Variants in PDLIM5 observed in about 807,000 individuals in gnomAD.
The protein encoded by PDLIM5 is PDZ and LIM domain protein 5.
Under a neutral mutation model 64.2 loss-of-function variants are expected in PDLIM5, and 34 were observed. The ratio of observed to expected loss-of-function variants is 0.53; its 90% CI spans 0.40 to 0.71. The LOEUF (loss-of-function observed/expected upper bound fraction) is 0.71. PDLIM5 is among the 30% of genes least tolerant of loss of function. The pLI, the probability that PDLIM5 is intolerant of heterozygous loss-of-function variation, is 0.00. For missense variants in PDLIM5, 683 were observed against 733.6 expected (o/e 0.93, Z 0.80); for synonymous variants, 253 against 269.1 (o/e 0.94, Z 0.59).
intron 2 of PDLIM5, among the ~76,000 whole-genome samples, chr4:94,516,743 GCTGGTCTCAAACTC>G (rs1729394928): frequency 6.6e-6 from 1 of 151,936 alleles, no homozygotes; most frequent in South Asian, 2.1e-4. Context: ...TGCTGCCCAG[GCTGGTCTCAAACTC>G]CTGGGCTCAA....
intron 3 of PDLIM5, among the ~76,000 whole-genome samples, chr4:94,564,554 C>G (rs1310501319): frequency 1.3e-5 from 2 of 151,386 alleles, no homozygotes; most frequent in African/African-American, 4.9e-5. Flanking sequence ...CTGTGTCTTG[C>G]TTTATTATGC....
At position 94,618,069 on chromosome 4, in the gene PDLIM5, G is replaced by C. The variant is rs1405908398; in HGVS notation, c.986G>C (p.Ser329Thr). 4 of 1,611,670 alleles carry C rather than the reference G, an allele frequency of 2.5e-6. No individual in the cohort carries two copies. Among genetic ancestry groups the C allele is most frequent in the Non-Finnish European group, 3.4e-6 (4 of 1,178,934 alleles). ...SVASTRSMPESLDSPTSGRPG... is the reference protein window; with the variant it reads ...SVASTRSMPETLDSPTSGRPG... ...GCTTCCACACGGAGCATGCCCGAGAGCCTGGACAGCCCAACCTCTGGCAGA... is the reference window on the plus strand; with the variant it reads ...GCTTCCACACGGAGCATGCCCGAGACCCTGGACAGCCCAACCTCTGGCAGA... The change falls in exon 8 of 13, where the codon AGC becomes ACC. Residue 329 changes from serine to threonine, a missense_variant. Physicochemically the swap from Ser to Thr is moderately conservative, Grantham distance 58. Transcript: ENST00000317968.
intron 3 of PDLIM5, among the ~76,000 whole-genome samples, chr4:94,536,489 A>G (rs550372421): frequency 2.6e-5 from 4 of 152,366 alleles, no homozygotes; most frequent in Admixed American, 6.5e-5. Flanking sequence ...ATTAAGTGGT[A>G]ACAGAGTCAT....
At position 94,664,655 on chromosome 4, in the gene PDLIM5, A is replaced by C. The variant is rs1742981901; in HGVS notation, c.*588A>C. Reference sequence around the variant, plus strand: ...GAGGCCAAGGTGGGTGGACCACATGAGGTCAGGAGTTTGAGATCAGCCTGG... The same window carrying C: ...GAGGCCAAGGTGGGTGGACCACATGCGGTCAGGAGTTTGAGATCAGCCTGG... On this transcript the variant is annotated 3_prime_UTR_variant, in exon 13 of 13. Coordinates refer to ENST00000317968, the MANE Select transcript of PDLIM5 (RefSeq NM_006457.5). 8.9e-6 allele frequency: 2 copies of C among 225,518 alleles called. No homozygotes were observed. The highest frequency in any genetic ancestry group is 1.5e-5 in the Non-Finnish European group (2 of 135,428). The allele number at this position is 225,518 out of a possible 1,614,324, so 14.0% of individuals were successfully genotyped here. A position where few individuals can be genotyped will look rare whatever the true frequency, so the allele number is the denominator to read the frequency against.
intron 2 of PDLIM5, among the ~76,000 whole-genome samples, chr4:94,474,931 A>G (rs1725194320): frequency 6.6e-6 from 1 of 152,212 alleles, no homozygotes; most frequent in African/African-American, 2.4e-5. Flanking sequence ...GGATTACAGA[A>G]ATGAGCCACT....
At chr4:94,586,282 A>G (rs572827332) in intron 6 of PDLIM5, 126 bp from the exon 7 acceptor site, 21 of 609,006 alleles carry the variant, frequency 3.4e-5, no homozygotes, top group Middle Eastern at 9.2e-4. Context: ...ACAGGCTACT[A>G]TGGAATTCGT....
chr4:94,544,204 T>G (rs1449896143), intron 3 of PDLIM5, among the ~76,000 whole-genome samples: 1 of 152,146 alleles, frequency 6.6e-6, no homozygotes, highest in Non-Finnish European at 1.5e-5. Context: ...ATAAGGACAT[T>G]CGTCATTGGA....
intron 2 of PDLIM5, among the ~76,000 whole-genome samples, chr4:94,485,154 T>G (rs983666954): frequency 6.6e-6 from 1 of 152,138 alleles, no homozygotes; most frequent in Non-Finnish European, 1.5e-5. Context: ...CAAATACATG[T>G]GTAATGGATA....
rs190837586 is a variant in PDLIM5, at chr4:94,608,237, C to T, written c.921-9767C>T. The stretch of plus-strand genomic sequence containing the variant: ...AAAGCTGGTAGTGAATTTAAATATA[C>T]TAAACTGTTTGAAAAAGAAAAAATG... On this transcript the variant is annotated intron_variant, in intron 7 of 12. Coordinates refer to ENST00000317968, the MANE Select transcript of PDLIM5 (RefSeq NM_006457.5). The T allele has an allele frequency of 4.2e-6, 5 of 1,200,590 alleles. No homozygotes were observed. In the South Asian group the frequency reaches 4.5e-5, roughly 11 times the overall value. The allele number at this position is 1,200,590 out of a possible 1,614,324, so 74.4% of individuals were successfully genotyped here.
At chr4:94,496,785 G>A (rs915341593) in intron 2 of PDLIM5, among the ~76,000 whole-genome samples, 6 of 152,098 alleles carry the variant, frequency 3.9e-5, no homozygotes, top group Middle Eastern at 3.2e-3. Context: ...GAGCCACCCC[G>A]CCCAGCCCAG....
chr4:94,530,510 AATATATATATATATATAT>A (rs36209951), intron 3 of PDLIM5, among the ~76,000 whole-genome samples: 30,633 of 140,420 alleles, frequency 0.22, 3,571 homozygotes, highest in African/African-American at 0.26. Context: ...GGAATCACAG[AATATATATATATATATAT>A]ATATATATAT....
chr4:94,576,775 T>C (rs1735300588), intron 5 of PDLIM5, among the ~76,000 whole-genome samples: 1 of 152,236 alleles, frequency 6.6e-6, no homozygotes, highest in Admixed American at 6.5e-5. Flanking sequence ...TTTGGGGGTA[T>C]CTTTTTATTA....
chr4:94,584,318 C>A (rs951022085), intron 5 of PDLIM5: 2 of 152,174 alleles, frequency 1.3e-5, no homozygotes, highest in Non-Finnish European at 2.9e-5. Flanking sequence ...GGAGACTATT[C>A]ATGATGCTCA....
intron 2 of PDLIM5, among the ~76,000 whole-genome samples, chr4:94,490,734 A>C (rs939876529): frequency 6.6e-6 from 1 of 152,310 alleles, no homozygotes; most frequent in Non-Finnish European, 1.5e-5. Context: ...ACATAATCCA[A>C]ATGTGAATTG....
At chr4:94,465,991 T>C (rs1406311294) in intron 2 of PDLIM5, among the ~76,000 whole-genome samples, 3 of 152,086 alleles carry the variant, frequency 2.0e-5, no homozygotes, top group Non-Finnish European at 4.4e-5. Flanking sequence ...AGACAGGGTC[T>C]TGCTCTGTGG....
At chr4:94,615,440 T>C (rs1245487339) in intron 7 of PDLIM5, among the ~76,000 whole-genome samples, 1 of 134,840 alleles carries the variant, frequency 7.4e-6, no homozygotes, top group Non-Finnish European at 1.5e-5. Context: ...TATTTACTTC[T>C]ATTATTATTA....
At chr4:94,658,102 TC>T (rs1290251684) in intron 11 of PDLIM5, among the ~76,000 whole-genome samples, 1 of 152,216 alleles carries the variant, frequency 6.6e-6, no homozygotes, top group Non-Finnish European at 1.5e-5. Context: ...TTGCTTGAAT[TC>T]CCAATGATTT....
rs139136261 is a variant in PDLIM5, at chr4:94,595,109, G to C, written c.920+8665G>C. Among the ~76,000 whole-genome samples, 304 of 152,214 alleles carry C rather than the reference G, an allele frequency of 2.0e-3. 1 individual carries two copies. Among genetic ancestry groups the C allele is most frequent in the African/African-American group, 7.1e-3 (293 of 41,518 alleles). On this transcript the variant is annotated intron_variant, in intron 7 of 12. Transcript: ENST00000317968. The stretch of plus-strand genomic sequence containing the variant: ...GGTGCCACACACTTTTAAACAACCA[G>C]ATCTCATGAGAACAATCTCACTGTC...
intron 8 of PDLIM5, among the ~76,000 whole-genome samples, chr4:94,631,922 G>A (rs1017841573): frequency 1.3e-5 from 2 of 152,236 alleles, no homozygotes; most frequent in African/African-American, 4.8e-5. Flanking sequence ...TCGTCAATAT[G>A]TTGGTGACTC....
Sources: gnomAD v4.1 joint callset for allele counts (sites outside exome capture counted in the v4.1 genomes callset) on GRCh38, gnomAD v4.1.1 for gene constraint, MANE v1.5 for transcripts, NCBI Gene and HGNC (gene_info 2026-07-23, HGNC 2026-07-21) for gene names.